WDFY4: variants seen among roughly 807,000 people sequenced by gnomAD.
The protein encoded by WDFY4 is WD repeat- and FYVE domain-containing protein 4.
In WDFY4, 169 loss-of-function variants were observed where a neutral mutation model predicts 351.9. The observed-to-expected ratio is 0.48, with a 90% CI of 0.42 to 0.55. WDFY4 has a LOEUF of 0.55. Among genes scored for constraint, WDFY4 ranks in the 20% least tolerant of loss-of-function variants. The pLI is 0.00. For synonymous variants in WDFY4, 1,622 were observed against 1,574.6 expected, an observed-to-expected ratio of 1.03 and a Z score of -0.71; for missense variants, 3,803 against 3,935.6, an observed-to-expected ratio of 0.97 and a Z score of 0.90.
chr10:48,922,707 C>G (rs1839201531), intron 47 of WDFY4, among the ~76,000 whole-genome samples: 1 of 152,156 alleles, frequency 6.6e-6, no homozygotes, highest in Admixed American at 6.5e-5. Context: ...TAATGGAATA[C>G]TACTAAACAC....
At chr10:48,931,464 G>T (rs1398056900) in intron 47 of WDFY4, among the ~76,000 whole-genome samples, 4 of 152,200 alleles carry the variant, frequency 2.6e-5, no homozygotes, top group African/African-American at 9.6e-5. Context: ...ACAGAGGGCC[G>T]TGCTATAAAC....
At chr10:48,850,457 A>G (rs1326625280) in intron 39 of WDFY4, among the ~76,000 whole-genome samples, 5 of 152,178 alleles carry the variant, frequency 3.3e-5, no homozygotes, top group African/African-American at 4.8e-5. Flanking sequence ...CTTTTTTCTC[A>G]TAGTATTTAA....
intron 13 of WDFY4, among the ~76,000 whole-genome samples, chr10:48,762,424 TA>T (rs1340093046): frequency 2.6e-5 from 4 of 152,196 alleles, no homozygotes; most frequent in African/African-American, 9.6e-5. Flanking sequence ...ATGGCAGAGA[TA>T]CACATAACAG....
At chr10:48,958,294 C>T (rs555944581) in intron 52 of WDFY4, among the ~76,000 whole-genome samples, 3 of 152,308 alleles carry the variant, frequency 2.0e-5, no homozygotes, top group Non-Finnish European at 2.9e-5. Flanking sequence ...TCGTTAGACA[C>T]CTCACATGCG....
intron 48 of WDFY4, among the ~76,000 whole-genome samples, chr10:48,942,572 G>A (rs539403674): frequency 6.5e-4 from 99 of 152,334 alleles, no homozygotes; most frequent in African/African-American, 2.2e-3. Context: ...TTCAGCCCAG[G>A]GTTCTCAAAG....
chr10:48,777,073 T>C (rs1184635201), intron 16 of WDFY4, 89 bp downstream of exon 16: 1 of 1,383,874 alleles, frequency 7.2e-7, no homozygotes, highest in African/African-American at 1.5e-5. Context: ...AACTTGTAGT[T>C]CCCATTGAAT....
chr10:48,856,986 G>A (rs911458972), intron 39 of WDFY4, among the ~76,000 whole-genome samples: 2 of 151,982 alleles, frequency 1.3e-5, no homozygotes, highest in African/African-American at 4.8e-5. Flanking sequence ...TTTATCTTTG[G>A]CAGCAAATAC....
chr10:48,794,728 TA>T lies in WDFY4; in HGVS notation c.4258-1569del, dbSNP rs576605512. On this transcript the variant is annotated intron_variant, in intron 23 of 61. Transcript: ENST00000325239. ...AAAGAACGTGTTTTGAGAAGGCGGG[TA>T]TGGTCAAACCATGTTAAATGCTGAT... 1.8e-4 allele frequency among the ~76,000 whole-genome samples: 27 copies of T among 152,290 alleles called. No individual in the cohort carries two copies. The South Asian group carries it at 5.6e-3, about 32-fold the overall frequency.
Position 48,867,339 on chromosome 10 carries a change from G to A in WDFY4, c.6738G>A (p.Val2246=). 1 of 1,492,746 alleles carries A rather than the reference G, an allele frequency of 6.7e-7. No homozygotes were observed. The highest frequency in any genetic ancestry group is 1.4e-5 in the South Asian group (1 of 73,642). 92.5% of individuals were successfully genotyped at this position (1,492,746 alleles called of 1,614,324 possible). The part of the protein sequence containing the change: ...ELYASLYKDH[V]QRRKCGNIKA... ...ATGCATCTTTATACAAAGACCATGT[G>A]CAAGTAAGAAACAAAACATAGGCTT... The change falls in exon 40 of 62, where the codon GTG becomes GTA. Residue 2246 remains valine, a synonymous_variant. Coordinates refer to ENST00000325239, the MANE Select transcript of WDFY4 (RefSeq NM_001394531.1).
At chr10:48,746,480 C>A (rs1468238149) in intron 12 of WDFY4, among the ~76,000 whole-genome samples, 1 of 151,728 alleles carries the variant, frequency 6.6e-6, no homozygotes, top group Non-Finnish European at 1.5e-5. Flanking sequence ...CAATAAGGAA[C>A]CACTTTTGTT....
At chr10:48,811,852 G>T in intron 30 of WDFY4, 144 bp downstream of exon 30, 2 of 831,562 alleles carry the variant, frequency 2.4e-6, no homozygotes, top group Non-Finnish European at 3.7e-6. Context: ...CTCCCTAGCA[G>T]CCCACACCCT....
chr10:48,901,681 G>C, intron 46 of WDFY4, 120 bp from the exon 47 acceptor site: 1 of 1,086,378 alleles, frequency 9.2e-7, no homozygotes, highest in Non-Finnish European at 1.4e-6. Flanking sequence ...CCTGGGGGCA[G>C]GATGGAGCGA....
intron 39 of WDFY4, among the ~76,000 whole-genome samples, chr10:48,853,560 A>G (rs1182533938): frequency 2.0e-5 from 3 of 152,210 alleles, no homozygotes; most frequent in African/African-American, 7.2e-5. Context: ...CTGTCCTAAG[A>G]GAGTGCCTTG....
At chr10:48,712,412 G>C (rs975669022) in intron 2 of WDFY4, among the ~76,000 whole-genome samples, 4 of 152,180 alleles carry the variant, frequency 2.6e-5, no homozygotes, top group Non-Finnish European at 4.4e-5. Context: ...CTAAACTGCT[G>C]ACACAATCTG....
intron 3 of WDFY4, 136 bp downstream of exon 3, chr10:48,720,261 C>G: frequency 2.3e-6 from 2 of 887,632 alleles, no homozygotes; most frequent in East Asian, 2.7e-5. Flanking sequence ...AGGCCCCACT[C>G]TGCCACTGAG....
chr10:48,894,632 G>A (rs929137157), intron 44 of WDFY4, among the ~76,000 whole-genome samples: 2 of 152,244 alleles, frequency 1.3e-5, no homozygotes, highest in African/African-American at 4.8e-5. Context: ...CCTGAGCTCA[G>A]GGGAAGATAC....
Position 48,928,728 on chromosome 10 carries a change from T to G in WDFY4, c.7587-13078T>G, listed in dbSNP as rs546933317. Among the ~76,000 whole-genome samples, 4 of 152,312 alleles carry G rather than the reference T, an allele frequency of 2.6e-5. No homozygotes were observed. The South Asian group carries it at 8.3e-4, about 32-fold the overall frequency. The stretch of plus-strand genomic sequence containing the variant: ...GCCCAGAGTCCACTGGAGCACCCCA[T>G]CTGCCGCAGGACAGCTCGCAGCCCT... On this transcript the variant is annotated intron_variant, in intron 47 of 61. Transcript: ENST00000325239.
At chr10:48,720,985 T>C (rs144329878) in intron 3 of WDFY4, among the ~76,000 whole-genome samples, 43 of 152,292 alleles carry the variant, frequency 2.8e-4, no homozygotes, top group African/African-American at 1.0e-3. Flanking sequence ...GGGAGTCTGA[T>C]AGCCGATTAG....
At chr10:48,900,441 G>A (rs1419986204) in intron 46 of WDFY4, 135 bp downstream of exon 46, 1 of 752,300 alleles carries the variant, frequency 1.3e-6, no homozygotes, top group African/African-American at 1.8e-5. Flanking sequence ...GGCCCAGGGA[G>A]GCACTGCTGG....
Sources: allele counts gnomAD v4.1 joint callset (sites outside exome capture counted in the v4.1 genomes callset), GRCh38; gene constraint gnomAD v4.1.1; transcripts MANE v1.5; gene names NCBI Gene and HGNC (gene_info 2026-07-23, HGNC 2026-07-21).